DYSF: variants seen among roughly 807,000 people sequenced by gnomAD.
The protein encoded by DYSF is dysferlin.
DYSF carries 212 observed loss-of-function variants against 274.9 expected under a neutral mutation model. The ratio of observed to expected loss-of-function variants is 0.77; its 90% CI spans 0.69 to 0.86. DYSF has a LOEUF of 0.86. Among genes scored for constraint, DYSF ranks in the 40% least tolerant of loss-of-function variants. The pLI is 0.00. For synonymous variants in DYSF, 1,091 were observed against 1,078.7 expected (o/e 1.01, Z -0.22); for missense variants, 2,666 against 2,783.2 (o/e 0.96, Z 0.95).
At chr2:71,566,949 C>T (rs1252630209) in intron 24 of DYSF, among the ~76,000 whole-genome samples, 2 of 152,320 alleles carry the variant, frequency 1.3e-5, no homozygotes, top group Admixed American at 6.5e-5. Flanking sequence ...CCCTGACCAG[C>T]GTGGGACCCC....
intron 30 of DYSF, among the ~76,000 whole-genome samples, chr2:71,581,788 T>C (rs2092906321): frequency 6.6e-6 from 1 of 152,134 alleles, no homozygotes; most frequent in African/African-American, 2.4e-5. Flanking sequence ...TAACCTCTTC[T>C]TATGGAGCAG....
At chr2:71,654,940 T>C (rs1418100251) in intron 42 of DYSF, among the ~76,000 whole-genome samples, 2 of 151,836 alleles carry the variant, frequency 1.3e-5, no homozygotes, top group Non-Finnish European at 2.9e-5. Context: ...ATAAAAAATA[T>C]AAAAATTAGC....
At chr2:71,531,567 A>C (rs1343036201) in intron 14 of DYSF, among the ~76,000 whole-genome samples, 1 of 151,758 alleles carries the variant, frequency 6.6e-6, no homozygotes, top group African/African-American at 2.4e-5. Flanking sequence ...AGAGAGTCTC[A>C]AAACATGGTA....
rs755732979 is a variant in DYSF at position 71,674,226 on chromosome 2, G to A, written c.5814G>A (p.Glu1938=). 6.2e-7 allele frequency: 1 copy of A among 1,614,222 alleles called. No individual in the cohort carries two copies. The highest frequency in any genetic ancestry group is 8.5e-7 in the Non-Finnish European group (1 of 1,180,036). ...KDAFWRLDKT[E]SKIPARVVFQ... is the part of the protein sequence containing the mutation. ...CCTTCTGGAGGCTGGACAAGACTGA[G>A]AGCAAAATCCCAGCACGAGTGGTGT... is the stretch of plus-strand genomic sequence containing the variant. Residue 1938 remains glutamate, a synonymous_variant, in exon 52 of 56, where the codon GAG becomes GAA. Coordinates refer to ENST00000410020, the MANE Select transcript of DYSF (RefSeq NM_001130987.2).
chr2:71,595,377 T>C (rs1312646531), intron 32 of DYSF, among the ~76,000 whole-genome samples: 1 of 152,178 alleles, frequency 6.6e-6, no homozygotes, highest in Non-Finnish European at 1.5e-5. Context: ...AGCACTGGAC[T>C]AGGAGTCAGG....
intron 17 of DYSF, among the ~76,000 whole-genome samples, chr2:71,547,981 TC>T (rs2090615740): frequency 6.6e-6 from 1 of 152,166 alleles, no homozygotes. Flanking sequence ...CTTCCGGTGG[TC>T]CCTGGCCACT....
Position 71,514,148 on chromosome 2 carries a change from A to T in DYSF, c.759+227A>T, listed in dbSNP as rs901282202. On this transcript the variant is annotated intron_variant, in intron 7 of 55. Coordinates refer to ENST00000410020, the MANE Select transcript of DYSF (RefSeq NM_001130987.2). ...TGCCGAGACCTGTGGTTTTGCGCTTAAAAAAAAAAAAAAAAAAAAAGTCAC... is the reference window on the plus strand; with the variant it reads ...TGCCGAGACCTGTGGTTTTGCGCTTTAAAAAAAAAAAAAAAAAAAAGTCAC... Among the ~76,000 whole-genome samples, 119 of 10,114 alleles carry T rather than the reference A, an allele frequency of 0.012. No homozygotes were observed. In the Middle Eastern group the frequency reaches 0.3, roughly 25 times the overall value. The allele number at this position is 10,114 out of a possible 152,430, so 6.6% of individuals were successfully genotyped here. A position where few individuals can be genotyped will look rare whatever the true frequency, so the allele number is the denominator to read the frequency against.
intron 16 of DYSF, among the ~76,000 whole-genome samples, chr2:71,538,901 T>C (rs1476534668): frequency 6.6e-6 from 1 of 152,180 alleles, no homozygotes; most frequent in Non-Finnish European, 1.5e-5. Context: ...AGCCTGGGTT[T>C]GGTTGCCTGA....
At chr2:71,455,214 C>T (rs1332894795) in intron 1 of DYSF, among the ~76,000 whole-genome samples, 2 of 152,184 alleles carry the variant, frequency 1.3e-5, no homozygotes, top group East Asian at 3.8e-4. Context: ...GGAATAAAAG[C>T]TCCGAAAGCA....
At chr2:71,543,088 G>A (rs1429088709) in intron 17 of DYSF, among the ~76,000 whole-genome samples, 3 of 81,328 alleles carry the variant, frequency 3.7e-5, no homozygotes, top group East Asian at 2.0e-4. Context: ...GGGCGGAGAC[G>A]CTCCTCACTT....
chr2:71,537,923 A>C (rs2089553570), intron 16 of DYSF, among the ~76,000 whole-genome samples: 1 of 152,156 alleles, frequency 6.6e-6, no homozygotes, highest in Admixed American at 6.5e-5. Flanking sequence ...TGCCCAGCCC[A>C]GTGTTTCTCA....
At chr2:71,485,471 G>A (rs920907814) in intron 3 of DYSF, among the ~76,000 whole-genome samples, 29 of 152,308 alleles carry the variant, frequency 1.9e-4, no homozygotes, top group African/African-American at 6.7e-4. Flanking sequence ...CAGGAGAATC[G>A]CTTGAACCCG....
At chr2:71,622,583 T>G (rs567031462) in intron 41 of DYSF, among the ~76,000 whole-genome samples, 30 of 152,292 alleles carry the variant, frequency 2.0e-4, no homozygotes, top group African/African-American at 6.7e-4. Flanking sequence ...TATTTGATTT[T>G]GGCAAGGTTG....
intron 51 of DYSF, 79 bp downstream of exon 51, chr2:71,669,825 C>T: frequency 1.3e-6 from 2 of 1,592,016 alleles, no homozygotes; most frequent in East Asian, 4.5e-5. Context: ...ACGTCCCTGC[C>T]TGGCAACTGT....
In DYSF at chr2:71,553,146, C is replaced by T. The variant is rs1449129968; in HGVS notation, c.1942C>T (p.Pro648Ser). 2.5e-6 allele frequency: 4 copies of T among 1,614,024 alleles called. 1 individual carries two copies. The highest frequency in any genetic ancestry group is 3.4e-6 in the Non-Finnish European group (4 of 1,180,044). Residue 648 changes from proline (P) to serine (S), a missense_variant, in exon 20 of 56, where the codon CCG (proline) becomes TCG (serine). Pro to Ser is a moderately conservative substitution (Grantham distance 74). Transcript: ENST00000410020. ...YGNKFDMTCL[P>S]LASTTQYSRA... ...GAACAAGTTCGACATGACCTGCCTG[C>T]CGCTGGCCTCCACCACTCAGTACAG...
intron 41 of DYSF, among the ~76,000 whole-genome samples, chr2:71,630,023 T>C (rs2094285874): frequency 6.6e-6 from 1 of 152,230 alleles, no homozygotes; most frequent in Non-Finnish European, 1.5e-5. Flanking sequence ...TGGGAGACAT[T>C]TGTCTTTGTC....
At chr2:71,634,574 C>G (rs1253998960) in intron 41 of DYSF, among the ~76,000 whole-genome samples, 1 of 152,324 alleles carries the variant, frequency 6.6e-6, no homozygotes, top group East Asian at 1.9e-4. Context: ...CAAGTCACAT[C>G]TGTGAGTGTG....
chr2:71,542,623 G>T (rs990380345), intron 17 of DYSF, among the ~76,000 whole-genome samples: 1 of 152,132 alleles, frequency 6.6e-6, no homozygotes, highest in African/African-American at 2.4e-5. Context: ...AGCACATCTT[G>T]CACCGCCCTT....
chr2:71,665,414 C>T (rs2094979647), intron 47 of DYSF, 110 bp downstream of exon 47: 4 of 1,413,992 alleles, frequency 2.8e-6, no homozygotes, highest in Non-Finnish European at 4.0e-6. Flanking sequence ...CCCACAGCAG[C>T]AGGCTGTGGG....
Sources: gnomAD v4.1 joint callset for allele counts (sites outside exome capture counted in the v4.1 genomes callset) on GRCh38, gnomAD v4.1.1 for gene constraint, MANE v1.5 for transcripts, NCBI Gene and HGNC (gene_info 2026-07-23, HGNC 2026-07-21) for gene names.